FABP7: variants seen among roughly 807,000 people sequenced by gnomAD.
FABP7 encodes fatty acid-binding protein, brain.
Under a neutral mutation model 14.2 loss-of-function variants are expected in FABP7, and 13 were observed. The observed-to-expected ratio is 0.91, with a 90% confidence interval of 0.59 to 1.45. The LOEUF is 1.45. Ranked by LOEUF, FABP7 falls within the 40% of genes most tolerant of loss-of-function variation. The pLI, the probability that FABP7 is intolerant of heterozygous loss-of-function variation, is 0.00. For missense variants in FABP7, 149 were observed against 157.6 expected, an observed-to-expected ratio of 0.95 and a Z score of 0.29; for synonymous variants, 49 against 51.4, an observed-to-expected ratio of 0.95 and a Z score of 0.20.
At chr6:122,756,098 C>T in the FABP7 span, among the ~76,000 whole-genome samples, 5 of 152,146 alleles carry the variant, frequency 3.3e-5, no homozygotes, top group African/African-American at 1.2e-4. Context: ...CTCTCCCCAA[C>T]GGGAGAGAGC....
the FABP7 span, among the ~76,000 whole-genome samples, chr6:122,751,534 T>A: frequency 6.6e-6 from 1 of 152,226 alleles, no homozygotes; most frequent in African/African-American, 2.4e-5. Flanking sequence ...CCCTTCTGGT[T>A]TCACTTTACA....
the FABP7 span, among the ~76,000 whole-genome samples, chr6:122,761,759 C>G: frequency 6.6e-6 from 1 of 152,036 alleles, no homozygotes; most frequent in Non-Finnish European, 1.5e-5. Context: ...TAAATGAAGT[C>G]AAAACCTCAT....
At chr6:122,766,156 T>C in the FABP7 span, among the ~76,000 whole-genome samples, 1 of 152,126 alleles carries the variant, frequency 6.6e-6, no homozygotes, top group East Asian at 1.9e-4. Context: ...GAAACTGCTG[T>C]GAAATGAGTT....
chr6:122,781,094 CTGT>C lies in FABP7; in HGVS notation c.253_255del (p.Val85del), dbSNP rs766330909. The C allele has an allele frequency of 2.4e-5, 38 of 1,610,608 alleles. No homozygotes were observed. In the African/African-American group the frequency reaches 4.9e-4, roughly 21 times the overall value. On this transcript the variant is annotated inframe_deletion and splice_region_variant, in exon 3 of 4. Coordinates refer to ENST00000368444, the MANE Select transcript of FABP7 (RefSeq NM_001446.5). Reference sequence around the variant, plus strand: ...TCTGCATTTTGTTGTTGGTCTCAGTCTGTTGTTAGCCTGGATGGAGACAAACTT... The same window carrying C: ...TCTGCATTTTGTTGTTGGTCTCAGTCTGTTAGCCTGGATGGAGACAAACTT...
intron 3 of FABP7, 34 bp from the exon 4 acceptor site, chr6:122,783,683 A>G: frequency 1.3e-6 from 2 of 1,565,718 alleles, no homozygotes; most frequent in Non-Finnish European, 1.7e-6. Context: ...AAGTTCCTGT[A>G]TAAAAAGATT....
At chr6:122,782,627 G>T (rs1780820289) in intron 3 of FABP7, 3 of 985,280 alleles carry the variant, frequency 3.0e-6, no homozygotes, top group Non-Finnish European at 3.6e-6. Flanking sequence ...ACATAGGTGG[G>T]TAGGCTCATT....
At chr6:122,781,259 T>TCCC in intron 3 of FABP7, 65 bp downstream of exon 3, 1 of 1,576,134 alleles carries the variant, frequency 6.3e-7, no homozygotes, top group Non-Finnish European at 8.7e-7. Flanking sequence ...TCTCACCTCC[T>TCCC]TCCTTCTTCT....
the FABP7 span, among the ~76,000 whole-genome samples, chr6:122,762,994 A>G: frequency 6.6e-6 from 1 of 152,234 alleles, no homozygotes; most frequent in African/African-American, 2.4e-5. Flanking sequence ...TGCCATCCCC[A>G]TCAAGCTACC....
At chr6:122,777,426 C>T (rs1021582337), upstream of FABP7, among the ~76,000 whole-genome samples, 3 of 152,052 alleles carry the variant, frequency 2.0e-5, 1 homozygote, top group East Asian at 5.8e-4. Context: ...AACCTGAATT[C>T]CTGGCCATAA....
chr6:122,756,715 A>G, the FABP7 span, among the ~76,000 whole-genome samples: 10 of 152,258 alleles, frequency 6.6e-5, no homozygotes, highest in African/African-American at 2.4e-4. Flanking sequence ...CCTCCAGTCT[A>G]TGGAAATCAC....
At chr6:122,771,275 A>G in the FABP7 span, among the ~76,000 whole-genome samples, 2 of 152,138 alleles carry the variant, frequency 1.3e-5, no homozygotes, top group African/African-American at 2.4e-5. Flanking sequence ...TATTTCAACT[A>G]TTCCAAGTGT....
upstream of FABP7, among the ~76,000 whole-genome samples, chr6:122,776,964 G>A (rs1780686836): frequency 6.6e-6 from 1 of 151,978 alleles, no homozygotes; most frequent in Non-Finnish European, 1.5e-5. Flanking sequence ...TTTTTGATAA[G>A]GTTTAAAGGA....
chr6:122,777,283 A>G (rs1780690484), upstream of FABP7, among the ~76,000 whole-genome samples: 1 of 152,208 alleles, frequency 6.6e-6, no homozygotes, highest in Admixed American at 6.5e-5. Flanking sequence ...AACATTTACT[A>G]GAGAAATAGT....
At chr6:122,762,456 A>G in the FABP7 span, among the ~76,000 whole-genome samples, 1 of 152,206 alleles carries the variant, frequency 6.6e-6, no homozygotes, top group Non-Finnish European at 1.5e-5. Context: ...CAAAAACTGG[A>G]AGCATTCCCT....
At chr6:122,783,371 A>G (rs771820556) in intron 3 of FABP7, 16 of 984,680 alleles carry the variant, frequency 1.6e-5, no homozygotes, top group Non-Finnish European at 1.9e-5. Flanking sequence ...ATGTAAACCT[A>G]TTATAAAACT....
the FABP7 span, among the ~76,000 whole-genome samples, chr6:122,762,915 A>G: frequency 6.6e-6 from 1 of 152,222 alleles, no homozygotes; most frequent in African/African-American, 2.4e-5. Context: ...AGAACATTCC[A>G]TGCTCATGGG....
At chr6:122,757,567 A>G in the FABP7 span, among the ~76,000 whole-genome samples, 1 of 152,056 alleles carries the variant, frequency 6.6e-6, no homozygotes. Flanking sequence ...AATAATCACA[A>G]ATTAAACAGA....
At chr6:122,772,302 G>A in the FABP7 span, among the ~76,000 whole-genome samples, 2 of 152,104 alleles carry the variant, frequency 1.3e-5, no homozygotes, top group Non-Finnish European at 2.9e-5. Context: ...GTCAGATCTA[G>A]AAGCAGGCTA....
At chr6:122,772,767 A>G in the FABP7 span, among the ~76,000 whole-genome samples, 1 of 152,098 alleles carries the variant, frequency 6.6e-6, no homozygotes, top group Non-Finnish European at 1.5e-5. Context: ...CATATCACCA[A>G]TAGACAGATA....
Sources: gnomAD v4.1 joint callset for allele counts (sites outside exome capture counted in the v4.1 genomes callset) on GRCh38, gnomAD v4.1.1 for gene constraint, MANE v1.5 for transcripts, NCBI Gene and HGNC (gene_info 2026-07-23, HGNC 2026-07-21) for gene names.